The following DYNC1H1 variants were observed in gnomAD, a reference collection of about 807,000 sequenced individuals.
The protein encoded by DYNC1H1 is cytoplasmic dynein 1 heavy chain 1.
Under a neutral mutation model 527.1 loss-of-function variants are expected in DYNC1H1, and 51 were observed. The ratio of observed to expected loss-of-function variants is 0.10; its 90% CI spans 0.08 to 0.12. DYNC1H1 has a LOEUF of 0.12. Among genes scored for constraint, DYNC1H1 ranks in the 10% least tolerant of loss-of-function variants. The pLI, the probability that DYNC1H1 is intolerant of heterozygous loss-of-function variation, is 1.00. For synonymous variants in DYNC1H1, 2,189 were observed against 2,278.8 expected, an observed-to-expected ratio of 0.96 and a Z score of 1.12; for missense variants, 2,771 against 5,971.8, an observed-to-expected ratio of 0.46 and a Z score of 17.66.
chr14:101,966,645 A>G (rs1203463026), intron 1 of DYNC1H1, among the ~76,000 whole-genome samples: 2 of 152,142 alleles, frequency 1.3e-5, no homozygotes, highest in Admixed American at 6.6e-5. Flanking sequence ...TAGCTTGACC[A>G]TTGCTAATCC....
In DYNC1H1 at chr14:101,986,154, T is replaced by C. The variant is rs1555408339; in HGVS notation, c.1929T>C (p.Pro643=). 23 of 1,614,192 alleles carry C rather than the reference T, an allele frequency of 1.4e-5. No individual in the cohort carries two copies. The highest frequency in any genetic ancestry group is 1.9e-5 in the Non-Finnish European group (23 of 1,180,028). The part of the protein sequence containing the change: ...CKMSHVRDLP[P]VSGSIIWAKQ... ...TGAGTCACGTTCGTGACTTGCCCCC[T>C]GTGTCAGGGTCTATCATCTGGGCTA... The change falls in exon 8 of 78, where the codon CCT becomes CCC. Residue 643 remains proline, a synonymous_variant. Coordinates refer to ENST00000360184, the MANE Select transcript of DYNC1H1 (RefSeq NM_001376.5). The surrounding 1 kb of genome is among the most constrained non-coding windows in gnomAD (Gnocchi z 8.7).
chr14:102,045,027 G>A (rs1012598360), intron 72 of DYNC1H1: 13 of 378,846 alleles, frequency 3.4e-5, no homozygotes, highest in East Asian at 1.3e-4. Context: ...TACTGGCTGG[G>A]CACACTGGCT....
At chr14:102,032,186 C>T in intron 51 of DYNC1H1, 86 bp from the exon 52 acceptor site, 1 of 1,528,830 alleles carries the variant, frequency 6.5e-7, no homozygotes, top group Non-Finnish European at 9.0e-7. Context: ...GGAGTTGGAG[C>T]TCCTGGCTGT....
At chr14:101,998,775 G>A (rs1187561751) in intron 16 of DYNC1H1, among the ~76,000 whole-genome samples, 4 of 152,080 alleles carry the variant, frequency 2.6e-5, no homozygotes, top group Admixed American at 1.3e-4. Context: ...TGCTCCAGTG[G>A]AGGAGTTGAA....
rs993117081 is a variant in DYNC1H1 at position 102,018,728 on chromosome 14, A to G, written c.8343+112A>G. ...GTAATCCCAGCATTTTGGGAGGCCA[A>G]GGTGGGTGGATCCTTTGAGCCCAGG... On this transcript the variant is annotated intron_variant, in intron 41 of 77. Transcript: ENST00000360184. This position sits in a 1 kb window ranked among gnomAD's most constrained non-coding sequence, Gnocchi z 5.2. The G allele has an allele frequency of 1.4e-6, 2 of 1,397,150 alleles. No individual in the cohort carries two copies. Among genetic ancestry groups the G allele is most frequent in the African/African-American group, 1.4e-5 (1 of 70,372 alleles). 86.5% of individuals were successfully genotyped at this position (1,397,150 alleles called of 1,614,324 possible).
chr14:102,029,284 C>T lies in DYNC1H1; in HGVS notation c.9469-255C>T. ...AACTGACATTTGTGATGCCTTTTCACATAAGTACACCTCTAAAGTTGGTGT... is the reference window on the plus strand; with the variant it reads ...AACTGACATTTGTGATGCCTTTTCATATAAGTACACCTCTAAAGTTGGTGT... On this transcript the variant is annotated intron_variant, in intron 48 of 77. Coordinates refer to ENST00000360184, the MANE Select transcript of DYNC1H1 (RefSeq NM_001376.5). The surrounding 1 kb of genome is among the most constrained non-coding windows in gnomAD (Gnocchi z 5.3). The T allele has an allele frequency of 1.9e-6, 1 of 534,870 alleles. No individual in the cohort carries two copies. Among genetic ancestry groups the T allele is most frequent in the South Asian group, 2.1e-5 (1 of 48,038 alleles). 33.1% of individuals were successfully genotyped at this position (534,870 alleles called of 1,614,324 possible).
At position 102,039,168 on chromosome 14, in the gene DYNC1H1, C is replaced by A. The variant is rs762940668; in HGVS notation, c.11374C>A (p.Gln3792Lys). ...RKVEETDIVM[Q>K]EVETVSQQYL... ...AGTTGAGGAGACGGACATTGTCATG[C>A]AGGAGGTGGAGACCGTGTCCCAGCA... is the stretch of plus-strand genomic sequence containing the variant. The change falls in exon 60 of 78, where the codon CAG becomes AAG. Residue 3792 changes from glutamine (Q) to lysine (K), a missense_variant. This residue lies in a region of DYNC1H1 where 283 missense variants were observed against 737.6 expected (regional missense o/e 0.38). Coordinates refer to ENST00000360184, the MANE Select transcript of DYNC1H1 (RefSeq NM_001376.5). This position sits in a 1 kb window ranked among gnomAD's most constrained non-coding sequence, Gnocchi z 7.0. 5.0e-6 allele frequency: 8 copies of A among 1,614,196 alleles called. No individual in the cohort carries two copies.
chr14:101,964,961 G>A lies in DYNC1H1; in HGVS notation c.256+14G>A, dbSNP rs754962330. 1.3e-6 allele frequency: 2 copies of A among 1,586,826 alleles called. No homozygotes were observed. Among genetic ancestry groups the A allele is most frequent in the South Asian group, 2.3e-5 (2 of 87,868 alleles). Reference sequence around the variant, plus strand: ...CCACGCTCAAAGGTGCGGGGCCGCGGAGGGCAGGGTCGCCAGAGCCAGGCC... The same window carrying A: ...CCACGCTCAAAGGTGCGGGGCCGCGAAGGGCAGGGTCGCCAGAGCCAGGCC... On this transcript the variant is annotated intron_variant, in intron 1 of 77. Transcript: ENST00000360184. This position sits in a 1 kb window ranked among gnomAD's most constrained non-coding sequence, Gnocchi z 5.5.
chr14:101,990,883 C>CCT (rs1595603312), intron 10 of DYNC1H1, among the ~76,000 whole-genome samples: 1 of 152,116 alleles, frequency 6.6e-6, no homozygotes, highest in East Asian at 1.9e-4. Flanking sequence ...GTGATACATG[C>CCT]CTGTAGTCCC....
chr14:101,997,391 T>C lies in DYNC1H1; in HGVS notation c.3804+117T>C. 2 of 1,535,012 alleles carry C rather than the reference T, an allele frequency of 1.3e-6. No individual in the cohort carries two copies. Among genetic ancestry groups the C allele is most frequent in the Non-Finnish European group, 1.8e-6 (2 of 1,135,506 alleles). On this transcript the variant is annotated intron_variant, in intron 16 of 77. Coordinates refer to ENST00000360184, the MANE Select transcript of DYNC1H1 (RefSeq NM_001376.5). This position sits in a 1 kb window ranked among gnomAD's most constrained non-coding sequence, Gnocchi z 4.8. ...TGAGCTTTCTAGTATTGAAGACTCT[T>C]TTCCTTTTTGTAGTTAAAAAAGCAG...
intron 41 of DYNC1H1, among the ~76,000 whole-genome samples, chr14:102,019,670 C>T (rs936364864): frequency 3.9e-5 from 6 of 152,158 alleles, no homozygotes; most frequent in Non-Finnish European, 5.9e-5. Context: ...GGCGCAGTCT[C>T]GGCTCACTGC....
chr14:101,995,894 CTACAAAAAATA>C (rs1354603136), intron 15 of DYNC1H1, among the ~76,000 whole-genome samples: 8 of 151,676 alleles, frequency 5.3e-5, no homozygotes, highest in Non-Finnish European at 1.0e-4. Context: ...AACCCCATCT[CTACAAAAAATA>C]TACAAAAAAT....
chr14:102,009,819 T>G, intron 29 of DYNC1H1, 24 bp from the exon 30 acceptor site: 1 of 1,614,112 alleles, frequency 6.2e-7, no homozygotes, highest in Non-Finnish European at 8.5e-7. Flanking sequence ...ATTTCTAGTC[T>G]TAACGCTATC....
At chr14:101,988,586 G>A in intron 9 of DYNC1H1, 117 bp from the exon 10 acceptor site, 1 of 1,316,354 alleles carries the variant, frequency 7.6e-7, no homozygotes, top group Admixed American at 1.8e-5. Context: ...AGATATGAAG[G>A]CTTCTAGTCC....
At chr14:101,996,776 C>G (rs1184287368) in intron 15 of DYNC1H1, among the ~76,000 whole-genome samples, 1 of 152,092 alleles carries the variant, frequency 6.6e-6, no homozygotes, top group African/African-American at 2.4e-5. Flanking sequence ...TACATGCCAC[C>G]ATGCCTGGCT....
In DYNC1H1 at chr14:102,022,745, C is replaced by T; in HGVS notation, c.8508-6C>T. On this transcript the variant is annotated splice_region_variant and splice_polypyrimidine_tract_variant and intron_variant, in intron 42 of 77. Transcript: ENST00000360184. ...TACCTAAATGCACATGCTGCTCTCC[C>T]CACAGACTCGTAGAGGATGAGGAGA... The T allele has an allele frequency of 6.2e-7, 1 of 1,614,030 alleles. No individual in the cohort carries two copies. Among genetic ancestry groups the T allele is most frequent in the Non-Finnish European group, 8.5e-7 (1 of 1,179,966 alleles).
Position 102,017,383 on chromosome 14 carries a change from A to T in DYNC1H1, c.8056A>T (p.Met2686Leu), listed in dbSNP as rs767469923. Residue 2686 changes from methionine to leucine, a missense_variant and splice_region_variant, in exon 40 of 78, where the codon ATG (methionine) becomes TTG (leucine). By Grantham distance (15) the Met-to-Leu change is conservative. Transcript: ENST00000360184. The surrounding 1 kb of genome is among the most constrained non-coding windows in gnomAD (Gnocchi z 4.6). ...ATGTGGTACCTGTCCCTTCCTTCAG[A>T]TGGTGGAGCACGGAGGCTTTTACCG... Reference protein sequence around the residue: ...TQRVISFIRQMVEHGGFYRTS... With the variant: ...TQRVISFIRQLVEHGGFYRTS... The T allele has an allele frequency of 1.7e-5, 28 of 1,614,068 alleles. No individual in the cohort carries two copies. The highest frequency in any genetic ancestry group is 2.4e-5 in the Non-Finnish European group (28 of 1,180,052).
At chr14:102,028,556 T>C (rs2048476280) in intron 48 of DYNC1H1, 3 of 289,346 alleles carry the variant, frequency 1.0e-5, no homozygotes, top group African/African-American at 2.2e-5. Flanking sequence ...ATGTTTGACA[T>C]TGTACTGTTA....
intron 1 of DYNC1H1, among the ~76,000 whole-genome samples, chr14:101,971,686 A>G (rs1169973246): frequency 6.6e-6 from 1 of 152,208 alleles, no homozygotes; most frequent in African/African-American, 2.4e-5. Flanking sequence ...TGATTGCACC[A>G]CTGCACTCCA....
Sources: gnomAD v4.1 joint callset for allele counts (sites outside exome capture counted in the v4.1 genomes callset) on GRCh38, gnomAD v4.1.1 for gene constraint, gnomAD v4.1.1 regional missense constraint, Gnocchi (gnomAD v3.1) non-coding constraint, MANE v1.5 for transcripts, NCBI Gene and HGNC (gene_info 2026-07-23, HGNC 2026-07-21) for gene names.